PAPPA2: variants seen among roughly 807,000 people sequenced by gnomAD.
PAPPA2 encodes pappalysin-2.
In PAPPA2, 86 loss-of-function variants were observed where a neutral mutation model predicts 176.4. The ratio of observed to expected loss-of-function variants is 0.49; its 90% CI spans 0.41 to 0.58. PAPPA2 has a LOEUF of 0.58. Ranked by LOEUF, PAPPA2 falls within the 20% of genes least tolerant of loss-of-function variation. PAPPA2 has a pLI of 0.00. For synonymous variants in PAPPA2, 809 were observed against 852.2 expected, an observed-to-expected ratio of 0.95 and a Z score of 0.88; for missense variants, 2,073 against 2,256.9, an observed-to-expected ratio of 0.92 and a Z score of 1.65.
chr1:176,761,499 A>G (rs1305868403), intron 14 of PAPPA2, among the ~76,000 whole-genome samples: 1 of 152,234 alleles, frequency 6.6e-6, no homozygotes, highest in Non-Finnish European at 1.5e-5. Flanking sequence ...CAGCAGCTGG[A>G]CAAATATCAT....
At chr1:176,731,762 C>G (rs988388459) in intron 12 of PAPPA2, among the ~76,000 whole-genome samples, 2 of 150,044 alleles carry the variant, frequency 1.3e-5, no homozygotes, top group African/African-American at 5.0e-5. Flanking sequence ...TATACGCATA[C>G]ACATTGTGAA....
At chr1:176,633,211 T>A (rs1656456309) in intron 3 of PAPPA2, among the ~76,000 whole-genome samples, 1 of 152,164 alleles carries the variant, frequency 6.6e-6, no homozygotes. Flanking sequence ...AGATGCATGC[T>A]TTACTGGTAA....
At chr1:176,786,340 G>T (rs901180622) in intron 17 of PAPPA2, among the ~76,000 whole-genome samples, 2 of 152,050 alleles carry the variant, frequency 1.3e-5, no homozygotes, top group African/African-American at 4.8e-5. Flanking sequence ...AGTCAGAAGT[G>T]TCTGGTGTTG....
chr1:176,702,612 TCACAC>T lies in PAPPA2; in HGVS notation c.3244_3248del (p.Thr1082TrpfsTer11). 6.2e-7 allele frequency: 1 copy of T among 1,613,746 alleles called. No individual in the cohort carries two copies. Among genetic ancestry groups the T allele is most frequent in the Non-Finnish European group, 8.5e-7 (1 of 1,179,868 alleles). ...AAACCCTTTGGTTTCCACAGGGAGGTCACACCTGGACAGATGTATCAGTACCAAGT... is the reference window on the plus strand; with the variant it reads ...AAACCCTTTGGTTTCCACAGGGAGGTCTGGACAGATGTATCAGTACCAAGT... On this transcript the variant is annotated frameshift_variant, in exon 9 of 23. Transcript: ENST00000367662. LOFTEE classifies it high-confidence loss of function.
intron 2 of PAPPA2, among the ~76,000 whole-genome samples, chr1:176,592,562 G>T (rs2102646606): frequency 6.6e-6 from 1 of 152,168 alleles, no homozygotes; most frequent in South Asian, 2.1e-4. Context: ...TTTGATAATA[G>T]ACTAGAAGTT....
chr1:176,774,270 A>G (rs1212177691), intron 17 of PAPPA2, among the ~76,000 whole-genome samples: 1 of 152,070 alleles, frequency 6.6e-6, no homozygotes, highest in African/African-American at 2.4e-5. Context: ...CTGCGTGCTG[A>G]TGATTCCTAA....
chr1:176,544,445 G>A (rs968172926), intron 1 of PAPPA2, among the ~76,000 whole-genome samples: 4 of 152,264 alleles, frequency 2.6e-5, no homozygotes, highest in African/African-American at 9.6e-5. Flanking sequence ...AGAATTCCAG[G>A]TGTTAGCTCA....
chr1:176,754,657 G>C (rs1663334352), intron 14 of PAPPA2, among the ~76,000 whole-genome samples: 2 of 152,232 alleles, frequency 1.3e-5, no homozygotes, highest in African/African-American at 2.4e-5. Context: ...GTATTGAAAA[G>C]AGGGATGAAT....
chr1:176,794,060 T>C (rs1415177399), intron 20 of PAPPA2, among the ~76,000 whole-genome samples: 1 of 152,100 alleles, frequency 6.6e-6, no homozygotes, highest in African/African-American at 2.4e-5. Flanking sequence ...AAAAAAAAAT[T>C]CAAGTATATC....
At chr1:176,836,838 A>T (rs1277792534) in intron 21 of PAPPA2, 1 of 152,148 alleles carries the variant, frequency 6.6e-6, no homozygotes, top group Non-Finnish European at 1.5e-5. Context: ...TGAAAAAAAA[A>T]TTGCTTATGA....
chr1:176,669,591 T>G (rs1356015496), intron 3 of PAPPA2, among the ~76,000 whole-genome samples: 1 of 152,182 alleles, frequency 6.6e-6, no homozygotes, highest in Non-Finnish European at 1.5e-5. Context: ...TGATTTCTTG[T>G]GGCTGAGAGC....
At chr1:176,740,833 G>C (rs959537230) in intron 14 of PAPPA2, among the ~76,000 whole-genome samples, 1 of 152,112 alleles carries the variant, frequency 6.6e-6, no homozygotes, top group East Asian at 1.9e-4. Context: ...CTGCATTTGG[G>C]CTAGAATCAC....
At chr1:176,502,455 C>A (rs1036021676) in intron 1 of PAPPA2, among the ~76,000 whole-genome samples, 3 of 152,106 alleles carry the variant, frequency 2.0e-5, no homozygotes, top group African/African-American at 4.8e-5. Context: ...TTTTAATCAG[C>A]TTTTCTTAGA....
At chr1:176,565,801 CA>C (rs35394639) in intron 2 of PAPPA2, among the ~76,000 whole-genome samples, 77,621 of 151,958 alleles carry the variant, frequency 0.51, 22,884 homozygotes, top group East Asian at 0.93. Context: ...CATTGTTGCA[CA>C]ATGAGGAGAG....
At chr1:176,638,296 T>C (rs528399136) in intron 3 of PAPPA2, among the ~76,000 whole-genome samples, 6 of 151,680 alleles carry the variant, frequency 4.0e-5, no homozygotes, top group African/African-American at 1.5e-4. Context: ...CAATGCACAT[T>C]AGAAAAAGAC....
At chr1:176,834,476 G>A (rs1406710020) in intron 21 of PAPPA2, among the ~76,000 whole-genome samples, 4 of 152,174 alleles carry the variant, frequency 2.6e-5, no homozygotes, top group African/African-American at 4.8e-5. Context: ...GCAGCAAAAC[G>A]TCTGGTTTTA....
rs1665286532 is a variant in PAPPA2 at position 176,793,631 on chromosome 1, G to A, written c.5092G>A (p.Asp1698Asn). 3 of 1,613,014 alleles carry A rather than the reference G, an allele frequency of 1.9e-6. No individual in the cohort carries two copies. Among genetic ancestry groups the A allele is most frequent in the African/African-American group, 1.3e-5 (1 of 75,010 alleles). Residue 1698 changes from aspartate to asparagine, a missense_variant, in exon 20 of 23, where the codon GAC (aspartate) becomes AAC (asparagine). Physicochemically the swap from Asp to Asn is conservative, Grantham distance 23. Coordinates refer to ENST00000367662, the MANE Select transcript of PAPPA2 (RefSeq NM_020318.3). ...PVMLPENITA[D>N]TLEHWMEPVK... The stretch of plus-strand genomic sequence containing the variant: ...GATGCTACCTGAGAATATCACTGCT[G>A]ACACTCTGGAGCACTGGATGGAACC...
chr1:176,702,795 G>T, intron 9 of PAPPA2, 60 bp downstream of exon 9: 1 of 1,567,320 alleles, frequency 6.4e-7, no homozygotes, highest in Non-Finnish European at 8.7e-7. Flanking sequence ...GAGAGAGAGA[G>T]AGAGAGAGGG....
At chr1:176,675,776 G>C (rs1053030568) in intron 4 of PAPPA2, among the ~76,000 whole-genome samples, 2 of 152,004 alleles carry the variant, frequency 1.3e-5, no homozygotes, top group Non-Finnish European at 2.9e-5. Context: ...ACAGATTCTA[G>C]ATATTTTATA....
Sources: allele counts gnomAD v4.1 joint callset (sites outside exome capture counted in the v4.1 genomes callset), GRCh38; gene constraint gnomAD v4.1.1; transcripts MANE v1.5; gene names NCBI Gene and HGNC (gene_info 2026-07-23, HGNC 2026-07-21).